The following DNAH7 variants were observed in gnomAD, a reference collection of about 807,000 sequenced individuals.
DNAH7 encodes dynein axonemal heavy chain 7.
Under a neutral mutation model 444.6 loss-of-function variants are expected in DNAH7, and 397 were observed. The ratio of observed to expected loss-of-function variants is 0.89; its 90% CI spans 0.82 to 0.97. The LOEUF (loss-of-function observed/expected upper bound fraction) is 0.97, where lower values mean the gene tolerates loss of function less well. DNAH7 is among the 50% of genes least tolerant of loss of function. The pLI, the probability that DNAH7 is intolerant of heterozygous loss-of-function variation, is 0.00. For missense variants in DNAH7, 4,902 were observed against 4,800.8 expected (o/e 1.02, Z -0.62); for synonymous variants, 1,636 against 1,624.4 (o/e 1.01, Z -0.17).
chr2:195,875,229 T>A (rs1268667241), intron 38 of DNAH7, among the ~76,000 whole-genome samples: 1 of 152,110 alleles, frequency 6.6e-6, no homozygotes, highest in Admixed American at 6.5e-5. Flanking sequence ...TGGGGTAGAA[T>A]AAAGATGATT....
In DNAH7 at chr2:195,917,063, C is replaced by T. The variant is rs909158746; in HGVS notation, c.3935+5025G>A. 1.0e-4 allele frequency among the ~76,000 whole-genome samples: 14 copies of T among 138,128 alleles called. No individual in the cohort carries two copies. In the East Asian group the frequency reaches 1.5e-3, roughly 14 times the overall value. 90.6% of individuals were successfully genotyped at this position (138,128 alleles called of 152,430 possible). A position where few individuals can be genotyped will look rare whatever the true frequency, so the allele number is the denominator to read the frequency against. On this transcript the variant is annotated intron_variant, in intron 24 of 64. Transcript: ENST00000312428. ...CTTGCAGTGAGCCGAGATTGTGCCACGGCACTCCAGCCTGGGCAACAGAGT... is the reference window on the plus strand; with the variant it reads ...CTTGCAGTGAGCCGAGATTGTGCCATGGCACTCCAGCCTGGGCAACAGAGT...
intron 34 of DNAH7, 88 bp from the exon 35 acceptor site, chr2:195,884,897 G>T (rs1574663038): frequency 9.2e-7 from 1 of 1,085,072 alleles, no homozygotes; most frequent in Non-Finnish European, 1.3e-6. Flanking sequence ...AGCCAGATTA[G>T]TATCTCTGAA....
At chr2:195,845,875 C>T (rs1050395787) in intron 46 of DNAH7, among the ~76,000 whole-genome samples, 2 of 152,170 alleles carry the variant, frequency 1.3e-5, no homozygotes, top group South Asian at 2.1e-4. Flanking sequence ...GAATTAAAGA[C>T]GTAAATGTAA....
intron 38 of DNAH7, among the ~76,000 whole-genome samples, chr2:195,874,145 T>G (rs192005031): frequency 6.6e-6 from 1 of 152,274 alleles, no homozygotes; most frequent in Admixed American, 6.5e-5. Flanking sequence ...CCATGACATA[T>G]AGCCAAATTC....
intron 4 of DNAH7, 131 bp from the exon 5 acceptor site, chr2:196,047,630 A>ATTT (rs34679412): frequency 1.7e-4 from 89 of 518,902 alleles, no homozygotes; most frequent in Middle Eastern, 1.1e-3. Flanking sequence ...CCTAAGTATA[A>ATTT]TTTTTTTTTT....
In DNAH7 at chr2:195,879,706, T is replaced by C. The variant is rs1701269302; in HGVS notation, c.5961+2089A>G. On this transcript the variant is annotated intron_variant, in intron 36 of 64. Coordinates refer to ENST00000312428, the MANE Select transcript of DNAH7 (RefSeq NM_018897.3). Reference sequence around the variant, plus strand: ...CTTGTTTGTTTATTCAATTTAATGATCAAATTATATGTGTTGATTAAAATT... The same window carrying C: ...CTTGTTTGTTTATTCAATTTAATGACCAAATTATATGTGTTGATTAAAATT... Among the ~76,000 whole-genome samples the C allele has an allele frequency of 2.6e-5, 4 of 152,152 alleles. 1 individual carries two copies. Among genetic ancestry groups the C allele is most frequent in the African/African-American group, 7.2e-5 (3 of 41,446 alleles).
intron 35 of DNAH7, among the ~76,000 whole-genome samples, chr2:195,883,116 G>A (rs1465738132): frequency 6.6e-6 from 1 of 152,006 alleles, no homozygotes. Context: ...TTTCAAACAT[G>A]TGTCTTTTGA....
At chr2:195,869,558 G>C (rs961830614) in intron 40 of DNAH7, among the ~76,000 whole-genome samples, 4 of 152,188 alleles carry the variant, frequency 2.6e-5, no homozygotes, top group African/African-American at 9.7e-5. Flanking sequence ...GAACTACTAG[G>C]ATAGGGGAGG....
chr2:195,856,767 G>GC (rs35492163), intron 44 of DNAH7, among the ~76,000 whole-genome samples: 1 of 152,182 alleles, frequency 6.6e-6, no homozygotes, highest in Non-Finnish European at 1.5e-5. Flanking sequence ...GACGACACTT[G>GC]CCCCTTTGGG....
chr2:195,958,674 TATAG>T (rs761436364), intron 18 of DNAH7, among the ~76,000 whole-genome samples: 13 of 152,220 alleles, frequency 8.5e-5, no homozygotes, highest in Non-Finnish European at 1.2e-4. Flanking sequence ...GTATAGAGAA[TATAG>T]ATAATGATTT....
chr2:195,801,745 TATACAAG>T (rs1355853933), intron 54 of DNAH7, among the ~76,000 whole-genome samples: 2 of 152,230 alleles, frequency 1.3e-5, no homozygotes, highest in African/African-American at 4.8e-5. Flanking sequence ...AACATTTATT[TATACAAG>T]ATCTGTAAGT....
chr2:195,793,353 T>C (rs1695979596), intron 57 of DNAH7, among the ~76,000 whole-genome samples: 1 of 152,220 alleles, frequency 6.6e-6, no homozygotes, highest in African/African-American at 2.4e-5. Flanking sequence ...TTGGTTTTCG[T>C]TCGGGCTGTG....
At chr2:195,739,793 T>C (rs143357407) in intron 64 of DNAH7, among the ~76,000 whole-genome samples, 163 of 152,316 alleles carry the variant, frequency 1.1e-3, no homozygotes, top group Admixed American at 2.6e-3. Context: ...CATCAAAGAT[T>C]TGCATCATCC....
chr2:195,895,302 G>T, intron 29 of DNAH7, 78 bp from the exon 30 acceptor site: 1 of 941,422 alleles, frequency 1.1e-6, no homozygotes, highest in Non-Finnish European at 1.5e-6. Context: ...ATGGAAATAG[G>T]GCCATTAGAT....
chr2:195,957,678 T>C (rs756315183), intron 18 of DNAH7, among the ~76,000 whole-genome samples: 5 of 151,630 alleles, frequency 3.3e-5, no homozygotes, highest in African/African-American at 7.3e-5. Flanking sequence ...ATATAATGTA[T>C]ATAATATTCC....
intron 55 of DNAH7, among the ~76,000 whole-genome samples, chr2:195,798,903 T>C (rs1696308616): frequency 6.6e-6 from 1 of 152,070 alleles, no homozygotes; most frequent in African/African-American, 2.4e-5. Flanking sequence ...GGAAAGTCAA[T>C]GAAGGCCCCC....
At chr2:195,756,895 G>A (rs1694099976) in intron 61 of DNAH7, among the ~76,000 whole-genome samples, 1 of 151,936 alleles carries the variant, frequency 6.6e-6, no homozygotes, top group African/African-American at 2.4e-5. Context: ...GGGGGGATGA[G>A]GCAAGAGGAT....
intron 48 of DNAH7, among the ~76,000 whole-genome samples, chr2:195,829,608 A>G (rs191621183): frequency 6.6e-6 from 1 of 152,212 alleles, no homozygotes; most frequent in East Asian, 1.9e-4. Flanking sequence ...ATTTATCAAT[A>G]TTAATTTTTT....
At chr2:196,017,574 G>A (rs1004090457) in intron 9 of DNAH7, among the ~76,000 whole-genome samples, 19 of 151,988 alleles carry the variant, frequency 1.3e-4, no homozygotes, top group African/African-American at 4.3e-4. Context: ...GTACTTGTAC[G>A]GAAAGAGATT....
Sources: gnomAD v4.1 joint callset for allele counts (sites outside exome capture counted in the v4.1 genomes callset) on GRCh38, gnomAD v4.1.1 for gene constraint, MANE v1.5 for transcripts, NCBI Gene and HGNC (gene_info 2026-07-23, HGNC 2026-07-21) for gene names.